NCALD: variants seen among roughly 807,000 people sequenced by gnomAD.
NCALD encodes the protein neurocalcin delta.
NCALD carries 10 observed loss-of-function variants against 18.6 expected under a neutral mutation model. That is an observed-to-expected ratio of 0.54 (90% CI 0.33 to 0.91). NCALD has a LOEUF of 0.91. Ranked by LOEUF, NCALD falls within the 40% of genes least tolerant of loss-of-function variation. NCALD has a pLI of 0.03. For synonymous variants in NCALD, 88 were observed against 87.4 expected, an observed-to-expected ratio of 1.01 and a Z score of -0.04; for missense variants, 184 against 247.6, an observed-to-expected ratio of 0.74 and a Z score of 1.72.
At chr8:101,837,837 A>G (rs1366227476) in intron 4 of NCALD, among the ~76,000 whole-genome samples, 1 of 152,196 alleles carries the variant, frequency 6.6e-6, no homozygotes. Flanking sequence ...AGGAATTTCA[A>G]GTGATGGTAA....
At chr8:101,932,323 C>A (rs895973455) in intron 2 of NCALD, among the ~76,000 whole-genome samples, 9 of 152,178 alleles carry the variant, frequency 5.9e-5, no homozygotes, top group African/African-American at 2.2e-4. Flanking sequence ...CTCCTAACCC[C>A]CAGATACAAC....
At chr8:101,994,270 T>C (rs1166039408) in intron 2 of NCALD, among the ~76,000 whole-genome samples, 2 of 152,190 alleles carry the variant, frequency 1.3e-5, no homozygotes, top group Non-Finnish European at 2.9e-5. Context: ...AAGGGGCGAC[T>C]GTGAAGTCCC....
chr8:101,948,905 C>G (rs1819281065), intron 2 of NCALD, among the ~76,000 whole-genome samples: 1 of 152,118 alleles, frequency 6.6e-6, no homozygotes, highest in South Asian at 2.1e-4. Flanking sequence ...TAGAATCTGC[C>G]TTATAGAGTG....
intron 2 of NCALD, among the ~76,000 whole-genome samples, chr8:101,935,377 T>C (rs1818723453): frequency 6.6e-6 from 1 of 152,160 alleles, no homozygotes; most frequent in Admixed American, 6.6e-5. Context: ...AAAATGAAAG[T>C]TGAGTTTAAG....
chr8:102,115,925 A>C (rs1241155537), intron 1 of NCALD, among the ~76,000 whole-genome samples: 1 of 151,908 alleles, frequency 6.6e-6, no homozygotes, highest in Non-Finnish European at 1.5e-5. Flanking sequence ...TGAGACAGGG[A>C]TCAAACTGGC....
chr8:102,124,057 C>T lies in NCALD; in HGVS notation c.-210+180G>A, dbSNP rs1826031572. On this transcript the variant is annotated intron_variant, in intron 1 of 6. Coordinates refer to the NCALD transcript ENST00000311028. ...AGGAATTGACAGGGTGAACTGCACC[C>T]AGGAGGGAGCTGCTGGAACCAGGTT... 3 of 152,408 alleles carry T rather than the reference C, an allele frequency of 2.0e-5. No individual in the cohort carries two copies. In the South Asian group the frequency reaches 6.2e-4, roughly 32 times the overall value. 9.4% of individuals were successfully genotyped at this position (152,408 alleles called of 1,614,324 possible).
chr8:101,787,888 C>T (rs1812291988), intron 1 of NCALD, among the ~76,000 whole-genome samples: 1 of 152,164 alleles, frequency 6.6e-6, no homozygotes, highest in African/African-American at 2.4e-5. Flanking sequence ...TTCTTTAATG[C>T]TTGCTTCAAA....
intron 1 of NCALD, among the ~76,000 whole-genome samples, chr8:101,738,559 A>G (rs1387969486): frequency 5.4e-5 from 8 of 146,916 alleles, no homozygotes; most frequent in African/African-American, 1.5e-4. Context: ...AAACAAAAAA[A>G]AAAAAAAAAA....
intron 1 of NCALD, among the ~76,000 whole-genome samples, chr8:102,057,975 A>G (rs1823713499): frequency 6.6e-6 from 1 of 152,238 alleles, no homozygotes; most frequent in African/African-American, 2.4e-5. Context: ...GCTCAGAGAA[A>G]GTATTCAATA....
intron 1 of NCALD, among the ~76,000 whole-genome samples, chr8:102,071,432 T>C (rs1824175249): frequency 6.6e-6 from 1 of 152,186 alleles, no homozygotes; most frequent in Non-Finnish European, 1.5e-5. Context: ...AGCACTATGC[T>C]AGGGTTTTGC....
At chr8:101,896,263 G>T (rs983676549) in intron 3 of NCALD, among the ~76,000 whole-genome samples, 5 of 152,178 alleles carry the variant, frequency 3.3e-5, no homozygotes, top group African/African-American at 1.2e-4. Context: ...AAGCAATGGG[G>T]AAAGGATTCC....
chr8:101,790,071 T>A (rs897273451), intron 1 of NCALD, among the ~76,000 whole-genome samples: 1 of 152,182 alleles, frequency 6.6e-6, no homozygotes, highest in African/African-American at 2.4e-5. Flanking sequence ...GCTATTGTTT[T>A]TTTCTTTAGG....
At chr8:101,903,197 ATTTTT>A (rs5893589) in intron 3 of NCALD, among the ~76,000 whole-genome samples, 1 of 141,028 alleles carries the variant, frequency 7.1e-6, no homozygotes. Flanking sequence ...ACTTTTAGGA[ATTTTT>A]TTTTTTTTTT....
At chr8:101,723,146 T>C (rs1338924639) in intron 1 of NCALD, among the ~76,000 whole-genome samples, 1 of 152,214 alleles carries the variant, frequency 6.6e-6, no homozygotes, top group Non-Finnish European at 1.5e-5. Context: ...AAAAACAGTT[T>C]GGAGACAAAA....
At chr8:101,776,850 C>T (rs1043404266) in intron 1 of NCALD, among the ~76,000 whole-genome samples, 4 of 152,112 alleles carry the variant, frequency 2.6e-5, no homozygotes, top group Non-Finnish European at 2.9e-5. Flanking sequence ...GAACTGCGGA[C>T]GCAACCTTTC....
intron 2 of NCALD, among the ~76,000 whole-genome samples, chr8:101,978,559 T>C (rs538317155): frequency 1.9e-3 from 291 of 152,310 alleles, no homozygotes; most frequent in South Asian, 0.012. Context: ...CAGATCTGCC[T>C]GATTCTACAG....
intron 2 of NCALD, among the ~76,000 whole-genome samples, chr8:101,711,758 A>T (rs1034334374): frequency 1.3e-5 from 2 of 152,128 alleles, no homozygotes; most frequent in African/African-American, 4.8e-5. Context: ...CCTCCAAGAA[A>T]TACGGGACTA....
chr8:102,087,346 G>A (rs1428830232), intron 1 of NCALD, among the ~76,000 whole-genome samples: 1 of 152,004 alleles, frequency 6.6e-6, no homozygotes, highest in African/African-American at 2.4e-5. Flanking sequence ...TGAAAGAGAT[G>A]ATACTGAAGA....
At position 101,686,906 on chromosome 8, in the gene NCALD, G is replaced by A. The variant is rs1814496058; in HGVS notation, c.*2403C>T. 1 of 152,598 alleles carries A rather than the reference G, an allele frequency of 6.6e-6. No individual in the cohort carries two copies. The highest frequency in any genetic ancestry group is 2.4e-5 in the African/African-American group (1 of 41,416). The allele number at this position is 152,598 out of a possible 1,614,324, so 9.5% of individuals were successfully genotyped here. ...GGCATGCAGTCTTCTGGGTGCTGTG[G>A]AGTCCCTTGGCCAAACTTGAGTGCA... On this transcript the variant is annotated 3_prime_UTR_variant, in exon 4 of 4. Transcript: ENST00000220931.
Sources: gnomAD v4.1 joint callset for allele counts (sites outside exome capture counted in the v4.1 genomes callset) on GRCh38, gnomAD v4.1.1 for gene constraint, MANE v1.5 for transcripts, NCBI Gene and HGNC (gene_info 2026-07-23, HGNC 2026-07-21) for gene names.